LRPPRC: variants seen among roughly 807,000 people sequenced by gnomAD.
LRPPRC encodes leucine rich pentatricopeptide repeat containing, also known as leucine-rich PPR motif-containing protein, mitochondrial.
In LRPPRC, 120 loss-of-function variants were observed where a neutral mutation model predicts 180.3. The ratio of observed to expected loss-of-function variants is 0.67; its 90% CI spans 0.57 to 0.77. The LOEUF is 0.77. Ranked by LOEUF, LRPPRC falls within the 30% of genes least tolerant of loss-of-function variation. The pLI is 0.00. For synonymous variants in LRPPRC, 723 were observed against 600.0 expected (o/e 1.21, Z -3.00); for missense variants, 2,012 against 1,657.2 (o/e 1.21, Z -3.72).
At chr2:43,988,471 G>A (rs1674630528) in intron 1 of LRPPRC, among the ~76,000 whole-genome samples, 3 of 152,176 alleles carry the variant, frequency 2.0e-5, no homozygotes, top group Admixed American at 2.0e-4. Flanking sequence ...GGGAGGCAGA[G>A]GTTGCAGTGA....
chr2:43,912,521 G>C lies in LRPPRC; in HGVS notation c.3186C>G (p.Asn1062Lys). Residue 1062 changes from asparagine to lysine, a missense_variant, in exon 30 of 38, where the codon AAC (asparagine) becomes AAG (lysine). By Grantham distance (94) the Asn-to-Lys change is moderately conservative. Transcript: ENST00000260665. ...YDIFLNAKEQ[N>K]IVFNAETYSN... is the part of the protein sequence containing the mutation. Reference sequence around the variant, plus strand: ...TGTAGGTTTCAGCATTAAACACAATGTTTTGCTCTTTTGCATTCAGGAAAA... The same window carrying C: ...TGTAGGTTTCAGCATTAAACACAATCTTTTGCTCTTTTGCATTCAGGAAAA... The C allele has an allele frequency of 6.2e-7, 1 of 1,605,826 alleles. No individual in the cohort carries two copies. Among genetic ancestry groups the C allele is most frequent in the Non-Finnish European group, 8.5e-7 (1 of 1,172,768 alleles).
intron 20 of LRPPRC, among the ~76,000 whole-genome samples, chr2:43,946,951 T>G (rs1672701813): frequency 6.6e-6 from 1 of 152,052 alleles, no homozygotes; most frequent in Admixed American, 6.6e-5. Flanking sequence ...CGTGTATCAG[T>G]TGCTTGACAA....
intron 1 of LRPPRC, among the ~76,000 whole-genome samples, chr2:43,988,555 G>A (rs773096837): frequency 1.3e-4 from 20 of 152,128 alleles, no homozygotes; most frequent in Non-Finnish European, 2.5e-4. Flanking sequence ...GAAAAGAGAC[G>A]CCACTGCTCA....
Position 43,949,603 on chromosome 2 carries a change from C to T in LRPPRC, c.1734G>A (p.Thr578=), listed in dbSNP as rs201889668. The T allele has an allele frequency of 2.4e-5, 38 of 1,612,880 alleles. No individual in the cohort carries two copies. Among genetic ancestry groups the T allele is most frequent in the East Asian group, 2.2e-5 (1 of 44,878 alleles). Residue 578 remains threonine (T), a splice_region_variant and synonymous_variant, in exon 16 of 38, where the codon ACG becomes ACA. Coordinates refer to ENST00000260665, the MANE Select transcript of LRPPRC (RefSeq NM_133259.4). ...GRYCQEPRGP[T]EAVGYFLYNL... The stretch of plus-strand genomic sequence containing the variant: ...CAATCATCGAAATTGAAACGCTACC[C>T]GTCGGTCCTCGAGGCTCCTGGCAAT...
chr2:43,972,591 G>C (rs1673867176), intron 11 of LRPPRC, among the ~76,000 whole-genome samples: 1 of 152,136 alleles, frequency 6.6e-6, no homozygotes, highest in South Asian at 2.1e-4. Flanking sequence ...TTTCAGACTG[G>C]AGGATATACA....
chr2:43,966,140 T>C (rs1293656626), intron 11 of LRPPRC, among the ~76,000 whole-genome samples: 1 of 151,472 alleles, frequency 6.6e-6, no homozygotes, highest in Non-Finnish European at 1.5e-5. Context: ...ACAAAGAAAA[T>C]CCTGTCATTT....
chr2:43,983,679 C>T (rs913046610), intron 1 of LRPPRC, among the ~76,000 whole-genome samples: 6 of 152,042 alleles, frequency 3.9e-5, no homozygotes, highest in East Asian at 1.9e-4. Context: ...ATTTTTCAGA[C>T]GTACACATTT....
chr2:43,985,177 G>T (rs1354564315), intron 1 of LRPPRC, among the ~76,000 whole-genome samples: 1 of 151,638 alleles, frequency 6.6e-6, no homozygotes, highest in African/African-American at 2.4e-5. Flanking sequence ...TTTTTGATAA[G>T]CAGAGACTGA....
At chr2:43,959,440 T>C (rs1297718352) in intron 13 of LRPPRC, among the ~76,000 whole-genome samples, 1 of 152,216 alleles carries the variant, frequency 6.6e-6, no homozygotes, top group East Asian at 1.9e-4. Flanking sequence ...ACAGTTTGAA[T>C]ATAACATTAA....
chr2:43,978,578 A>G (rs1674161339), intron 3 of LRPPRC, among the ~76,000 whole-genome samples: 1 of 152,074 alleles, frequency 6.6e-6, no homozygotes, highest in Non-Finnish European at 1.5e-5. Flanking sequence ...TCTAATTTTT[A>G]GAGATTCAAT....
Position 43,887,622 on chromosome 2 carries a change from C to G in LRPPRC, c.*978G>C, listed in dbSNP as rs1168592119. On this transcript the variant is annotated 3_prime_UTR_variant, in exon 38 of 38. Coordinates refer to ENST00000260665, the MANE Select transcript of LRPPRC (RefSeq NM_133259.4). ...ATTTCGGTAATTAATTACCTCATCT[C>G]CAGTTAGGTCAATATTCCATATTAT... The G allele has an allele frequency of 6.6e-6, 1 of 152,174 alleles. No homozygotes were observed. Among genetic ancestry groups the G allele is most frequent in the African/African-American group, 2.4e-5 (1 of 41,428 alleles). 9.4% of individuals were successfully genotyped at this position (152,174 alleles called of 1,614,324 possible).
intron 1 of LRPPRC, among the ~76,000 whole-genome samples, chr2:43,989,786 T>C (rs974196570): frequency 1.3e-5 from 2 of 152,202 alleles, no homozygotes; most frequent in African/African-American, 4.8e-5. Flanking sequence ...GAAACGGGAA[T>C]CACGGTATCT....
At chr2:43,949,466 A>G (rs113497761) in intron 16 of LRPPRC, 136 bp downstream of exon 16, 2 of 713,610 alleles carry the variant, frequency 2.8e-6, no homozygotes, top group East Asian at 2.7e-5. Flanking sequence ...TGTAATCAAT[A>G]TAAAGATTTA....
intron 1 of LRPPRC, 26 bp from the exon 2 acceptor site, chr2:43,982,460 T>A: frequency 6.5e-7 from 1 of 1,540,648 alleles, no homozygotes; most frequent in Non-Finnish European, 9.0e-7. Flanking sequence ...TAATTAATAA[T>A]AATCAGTTGC....
chr2:43,901,813 A>G (rs1215635928), intron 31 of LRPPRC: 16 of 357,382 alleles, frequency 4.5e-5, no homozygotes, highest in Non-Finnish European at 6.7e-5. Context: ...TTCAGTGACT[A>G]AAGTTGGTAA....
chr2:43,896,631 T>G lies in LRPPRC; in HGVS notation c.3900+3A>C. ...TGATTTGTAAGCAGGTAAAGCACAG[T>G]ACCTTTCCTTGTTTCCTAGAATTCC... On this transcript the variant is annotated splice_donor_region_variant and intron_variant, in intron 35 of 37. Transcript: ENST00000260665. 1 of 1,597,936 alleles carries G rather than the reference T, an allele frequency of 6.3e-7. No homozygotes were observed. The highest frequency in any genetic ancestry group is 8.6e-7 in the Non-Finnish European group (1 of 1,165,566).
At chr2:43,967,119 C>T (rs542327955) in intron 11 of LRPPRC, among the ~76,000 whole-genome samples, 1 of 152,168 alleles carries the variant, frequency 6.6e-6, no homozygotes, top group Non-Finnish European at 1.5e-5. Context: ...CAAAATGTAG[C>T]CAGGTGAGAT....
chr2:43,954,186 T>C (rs1673012924), intron 14 of LRPPRC, among the ~76,000 whole-genome samples: 1 of 151,456 alleles, frequency 6.6e-6, no homozygotes. Flanking sequence ...CAACAAGGTT[T>C]AAAAAAAAAC....
At chr2:43,914,240 GT>G (rs903328911) in intron 29 of LRPPRC, among the ~76,000 whole-genome samples, 46 of 149,156 alleles carry the variant, frequency 3.1e-4, no homozygotes, top group Non-Finnish European at 4.0e-4. Context: ...GTCCCTGTTA[GT>G]TTTTTTTTTA....
Sources: allele counts gnomAD v4.1 joint callset (sites outside exome capture counted in the v4.1 genomes callset), GRCh38; gene constraint gnomAD v4.1.1; transcripts MANE v1.5; gene names NCBI Gene and HGNC (gene_info 2026-07-23, HGNC 2026-07-21).